HM13: variants seen among roughly 807,000 people sequenced by gnomAD.
The protein encoded by HM13 is signal peptide peptidase.
Under a neutral mutation model 50.0 loss-of-function variants are expected in HM13, and 18 were observed. That is an observed-to-expected ratio of 0.36 (90% CI 0.25 to 0.53). HM13 has a LOEUF of 0.53. HM13 is among the 20% of genes least tolerant of loss of function. The pLI is 0.90. For synonymous variants in HM13, 197 were observed against 232.6 expected, an observed-to-expected ratio of 0.85 and a Z score of 1.39; for missense variants, 393 against 552.4, an observed-to-expected ratio of 0.71 and a Z score of 2.89.
chr20:31,530,825 A>T (rs529787231), intron 2 of HM13, among the ~76,000 whole-genome samples: 95 of 152,170 alleles, frequency 6.2e-4, no homozygotes, highest in Non-Finnish European at 1.2e-3. Context: ...CTTCATACAC[A>T]TAATTTGTGC....
Position 31,514,644 on chromosome 20 carries a change from C to T in HM13, c.93C>T (p.Gly31=), listed in dbSNP as rs963057648. ...STTRPPSTPE[G]IALAYGSLLL... Reference sequence around the variant, plus strand: ...CGCGGCCGCCTTCCACGCCCGAGGGCATCGCGCTGGCCTACGGCAGCCTCC... The same window carrying T: ...CGCGGCCGCCTTCCACGCCCGAGGGTATCGCGCTGGCCTACGGCAGCCTCC... The change falls in exon 1 of 13, where the codon GGC becomes GGT. Residue 31 remains glycine, a synonymous_variant. Coordinates refer to ENST00000398174, the MANE Select transcript of HM13 (RefSeq NM_178581.3). This position sits in a 1 kb window ranked among gnomAD's most constrained non-coding sequence, Gnocchi z 4.3. The T allele has an allele frequency of 3.8e-6, 6 of 1,574,844 alleles. No individual in the cohort carries two copies. In the African/African-American group the frequency reaches 8.1e-5, roughly 21 times the overall value.
At chr20:31,535,828 A>T (rs1287830428) in intron 2 of HM13, among the ~76,000 whole-genome samples, 1 of 152,186 alleles carries the variant, frequency 6.6e-6, no homozygotes, top group Non-Finnish European at 1.5e-5. Context: ...CACCAATCAC[A>T]CAGATAGATG....
chr20:31,549,916 A>C, intron 6 of HM13, 148 bp from the exon 7 acceptor site: 1 of 688,968 alleles, frequency 1.5e-6, no homozygotes, highest in Non-Finnish European at 2.7e-6. Context: ...ATCAGTGGCC[A>C]CCTCACCTCA....
intron 6 of HM13, 62 bp downstream of exon 6, chr20:31,549,394 C>A: frequency 6.2e-7 from 1 of 1,603,104 alleles, no homozygotes; most frequent in South Asian, 1.1e-5. Flanking sequence ...CATCACCCTG[C>A]CTCTCTGGCC....
chr20:31,515,724 C>G (rs981797486), intron 1 of HM13, among the ~76,000 whole-genome samples: 6 of 152,150 alleles, frequency 3.9e-5, no homozygotes, highest in Non-Finnish European at 1.5e-5. Context: ...TTCTCCCTCC[C>G]CCTTCCCTGC....
intron 8 of HM13, among the ~76,000 whole-genome samples, chr20:31,557,266 A>AGC (rs1203651441): frequency 6.6e-6 from 1 of 152,192 alleles, no homozygotes; most frequent in Admixed American, 6.6e-5. Flanking sequence ...AGTCCTGTAA[A>AGC]GCATCTGGCT....
In HM13 at chr20:31,514,854, C is replaced by A; in HGVS notation, c.183+120C>A. 1.0e-6 allele frequency: 1 copy of A among 1,002,700 alleles called. No individual in the cohort carries two copies. The highest frequency in any genetic ancestry group is 1.4e-6 in the Non-Finnish European group (1 of 718,298). 62.1% of individuals were successfully genotyped at this position (1,002,700 alleles called of 1,614,324 possible). A position where few individuals can be genotyped will look rare whatever the true frequency, so the allele number is the denominator to read the frequency against. On this transcript the variant is annotated intron_variant, in intron 1 of 12. Transcript: ENST00000398174. The surrounding 1 kb of genome is among the most constrained non-coding windows in gnomAD (Gnocchi z 4.3). ...CACTGACTCTTCCCAGCCCTGATCA[C>A]CACCGTTCCCTCTGTCTCGGGCCCA...
chr20:31,566,179 C>G, intron 10 of HM13, 31 bp from the exon 11 acceptor site: 1 of 1,585,696 alleles, frequency 6.3e-7, no homozygotes, highest in Non-Finnish European at 8.7e-7. Flanking sequence ...CCGTGCCCAG[C>G]ATGGCTTCAC....
At chr20:31,524,440 T>C (rs536321298) in intron 1 of HM13, among the ~76,000 whole-genome samples, 3 of 152,288 alleles carry the variant, frequency 2.0e-5, no homozygotes, top group Admixed American at 6.5e-5. Context: ...ATGGAATTGC[T>C]TGGTCAAAGG....
chr20:31,514,521 G>T lies in HM13; in HGVS notation c.-31G>T. 1 of 1,591,840 alleles carries T rather than the reference G, an allele frequency of 6.3e-7. No homozygotes were observed. Among genetic ancestry groups the T allele is most frequent in the Non-Finnish European group, 8.5e-7 (1 of 1,171,564 alleles). ...CTGCGTCCCTGCTGCAGCAACCGGAGCTGGAGTCGGATCCCGAACGCACCC... is the reference window on the plus strand; with the variant it reads ...CTGCGTCCCTGCTGCAGCAACCGGATCTGGAGTCGGATCCCGAACGCACCC... On this transcript the variant is annotated 5_prime_UTR_variant, in exon 1 of 13. Coordinates refer to ENST00000398174, the MANE Select transcript of HM13 (RefSeq NM_178581.3). The surrounding 1 kb of genome is among the most constrained non-coding windows in gnomAD (Gnocchi z 4.3).
Position 31,549,294 on chromosome 20 carries a change from A to G in HM13, c.628A>G (p.Ile210Val), listed in dbSNP as rs761595831. The G allele has an allele frequency of 1.2e-6, 2 of 1,614,214 alleles. No individual in the cohort carries two copies. The highest frequency in any genetic ancestry group is 1.7e-6 in the Non-Finnish European group (2 of 1,180,044). The change falls in exon 6 of 13, where the codon ATC becomes GTC. Residue 210 changes from isoleucine (I) to valine (V), a missense_variant. Physicochemically the swap from Ile to Val is conservative, Grantham distance 29. Around this residue, in one of 3 missense-constraint regions of HM13, gnomAD observed 214 missense variants for 276.1 expected, o/e 0.77. Transcript: ENST00000398174. The stretch of plus-strand genomic sequence containing the variant: ...CCTCAACAATGTCAGCACTGGCTGC[A>G]TCCTGCTGGGCGGACTCTTCATCTA... ...LHLNNVSTGCILLGGLFIYDV... is the reference protein window; with the variant it reads ...LHLNNVSTGCVLLGGLFIYDV...
chr20:31,569,528 A>C lies in HM13; in HGVS notation c.*309A>C. 2 of 229,112 alleles carry C rather than the reference A, an allele frequency of 8.7e-6. No individual in the cohort carries two copies. Among genetic ancestry groups the C allele is most frequent in the South Asian group, 2.0e-4 (2 of 9,786 alleles). 14.2% of individuals were successfully genotyped at this position (229,112 alleles called of 1,614,324 possible). ...GGACTGATTTTGCCTCACATTAAAA[A>C]CTCATCCCATGGCCAGGGCGGGCCA... is the stretch of plus-strand genomic sequence containing the variant. On this transcript the variant is annotated 3_prime_UTR_variant, in exon 13 of 13. Coordinates refer to ENST00000398174, the MANE Select transcript of HM13 (RefSeq NM_178581.3).
At chr20:31,555,589 T>C (rs1286182149) in intron 8 of HM13, among the ~76,000 whole-genome samples, 1 of 152,138 alleles carries the variant, frequency 6.6e-6, no homozygotes, top group Non-Finnish European at 1.5e-5. Context: ...TGTGTCTGCT[T>C]ATCTGGGCCC....
At chr20:31,543,308 C>CG (rs545552388) in intron 3 of HM13, among the ~76,000 whole-genome samples, 192 of 152,236 alleles carry the variant, frequency 1.3e-3, no homozygotes, top group Non-Finnish European at 9.3e-4. Context: ...TTTTTAGAGA[C>CG]GGAGTCTCGC....
At chr20:31,539,337 A>T in intron 3 of HM13, 1 of 985,488 alleles carries the variant, frequency 1.0e-6, no homozygotes, top group Non-Finnish European at 1.2e-6. Context: ...AGAAACACTG[A>T]TAGACCAAGA....
At chr20:31,538,293 C>T (rs1568787495) in intron 3 of HM13, 32 bp downstream of exon 3, 1 of 1,614,070 alleles carries the variant, frequency 6.2e-7, no homozygotes, top group Non-Finnish European at 8.5e-7. Context: ...ACATTTGAAG[C>T]AGCTTTCTCG....
At position 31,568,058 on chromosome 20, in the gene HM13, C is replaced by T. The variant is rs1568803174; in HGVS notation, c.1035-20C>T. The T allele has an allele frequency of 2.2e-5, 35 of 1,570,646 alleles. No individual in the cohort carries two copies. In the Admixed American group the frequency reaches 2.2e-4, roughly 10 times the overall value. On this transcript the variant is annotated intron_variant, in intron 11 of 12. Transcript: ENST00000398174. ...CCTATCCATCTCTTTTTTTCTGTCT[C>T]TTCTCTCTCTCTCACACAGCTACGA...
intron 3 of HM13, among the ~76,000 whole-genome samples, chr20:31,543,004 G>A (rs147354545): frequency 1.1e-4 from 17 of 152,272 alleles, no homozygotes; most frequent in East Asian, 5.8e-4. Flanking sequence ...GGAAGAGGCC[G>A]GCTAAGATGG....
chr20:31,564,624 C>T (rs1984791297), intron 10 of HM13, among the ~76,000 whole-genome samples: 1 of 151,856 alleles, frequency 6.6e-6, no homozygotes, highest in South Asian at 2.1e-4. Context: ...ATTAGAGGGA[C>T]TTACAGAGCA....
Sources: allele counts gnomAD v4.1 joint callset (sites outside exome capture counted in the v4.1 genomes callset), GRCh38; gene constraint gnomAD v4.1.1; regional missense constraint gnomAD v4.1.1; non-coding constraint Gnocchi (gnomAD v3.1); transcripts MANE v1.5; gene names NCBI Gene and HGNC (gene_info 2026-07-23, HGNC 2026-07-21).